MEGF11: variants seen among roughly 807,000 people sequenced by gnomAD.
The protein encoded by MEGF11 is multiple epidermal growth factor-like domains protein 11.
Under a neutral mutation model 146.6 loss-of-function variants are expected in MEGF11, and 126 were observed. The observed-to-expected ratio is 0.86, with a 90% CI of 0.74 to 1.00. The LOEUF (loss-of-function observed/expected upper bound fraction) is 1.00, where lower values mean the gene tolerates loss of function less well. MEGF11 is among the 50% of genes least tolerant of loss of function. MEGF11 has a pLI of 0.00. For missense variants in MEGF11, 1,509 were observed against 1,521.2 expected (o/e 0.99, Z 0.13); for synonymous variants, 532 against 583.4 (o/e 0.91, Z 1.27).
intron 10 of MEGF11, among the ~76,000 whole-genome samples, chr15:65,938,602 G>A (rs1334768806): frequency 1.3e-5 from 2 of 152,176 alleles, no homozygotes; most frequent in Non-Finnish European, 2.9e-5. Flanking sequence ...TGCTGGGGAT[G>A]CCTGCCAGTC....
chr15:66,195,648 G>A (rs367842535), intron 1 of MEGF11, among the ~76,000 whole-genome samples: 3 of 152,320 alleles, frequency 2.0e-5, no homozygotes, highest in South Asian at 2.1e-4. Flanking sequence ...AGGTCCATCC[G>A]GGAAATGAGA....
intron 1 of MEGF11, among the ~76,000 whole-genome samples, chr15:66,250,613 G>A (rs781063771): frequency 5.3e-5 from 8 of 152,222 alleles, no homozygotes; most frequent in Non-Finnish European, 1.0e-4. Context: ...TTATGGTTGG[G>A]AAGAGGCAAA....
At chr15:65,955,650 A>T (rs2080559155) in intron 10 of MEGF11, among the ~76,000 whole-genome samples, 1 of 144,274 alleles carries the variant, frequency 6.9e-6, no homozygotes, top group Non-Finnish European at 1.5e-5. Flanking sequence ...AGGCTGAGGC[A>T]CGAGAATTGC....
chr15:66,153,559 C>T (rs902823215), intron 1 of MEGF11, among the ~76,000 whole-genome samples: 4 of 149,432 alleles, frequency 2.7e-5, no homozygotes, highest in African/African-American at 7.3e-5. Flanking sequence ...GGCAACAGAG[C>T]GAGACTCCAT....
chr15:66,176,399 AG>A (rs1488834337), intron 1 of MEGF11, among the ~76,000 whole-genome samples: 1 of 152,114 alleles, frequency 6.6e-6, no homozygotes, highest in Admixed American at 6.5e-5. Flanking sequence ...CAAGATATGG[AG>A]GGTAGGGAGG....
At chr15:65,966,512 G>A (rs2081103955) in intron 8 of MEGF11, among the ~76,000 whole-genome samples, 1 of 152,084 alleles carries the variant, frequency 6.6e-6, no homozygotes, top group Non-Finnish European at 1.5e-5. Flanking sequence ...TTGTCCTACT[G>A]GGAGACATAT....
chr15:66,207,398 A>G (rs2091327452), intron 1 of MEGF11, among the ~76,000 whole-genome samples: 1 of 152,240 alleles, frequency 6.6e-6, no homozygotes, highest in Admixed American at 6.5e-5. Flanking sequence ...AGTAAGATGT[A>G]TGTCTTCAAA....
intron 9 of MEGF11, among the ~76,000 whole-genome samples, chr15:65,964,209 C>T (rs2080973617): frequency 6.6e-6 from 1 of 152,216 alleles, no homozygotes; most frequent in Non-Finnish European, 1.5e-5. Flanking sequence ...ACAGCTCTGC[C>T]TTCACAGGTT....
chr15:65,922,990 C>G, intron 13 of MEGF11, 21 bp from the exon 14 acceptor site: 2 of 1,609,512 alleles, frequency 1.2e-6, no homozygotes, highest in South Asian at 1.1e-5. Context: ...GAGGCAGACT[C>G]GGGTCAGTGG....
chr15:66,214,252 C>G (rs1039108925), intron 1 of MEGF11, among the ~76,000 whole-genome samples: 1 of 152,128 alleles, frequency 6.6e-6, no homozygotes, highest in African/African-American at 2.4e-5. Context: ...CCAGGCTGGT[C>G]TCAAACTCCT....
At chr15:66,036,030 T>C (rs987270355) in intron 5 of MEGF11, among the ~76,000 whole-genome samples, 1 of 152,234 alleles carries the variant, frequency 6.6e-6, no homozygotes, top group Non-Finnish European at 1.5e-5. Context: ...TCCTTTCTGC[T>C]TTCCTGCCTT....
intron 18 of MEGF11, 110 bp from the exon 19 acceptor site, chr15:65,915,708 C>G: frequency 7.3e-7 from 1 of 1,376,554 alleles, no homozygotes; most frequent in South Asian, 1.4e-5. Context: ...CTGAGTGAAG[C>G]CTATTCCCTT....
At chr15:66,046,524 C>T (rs775240056) in intron 5 of MEGF11, among the ~76,000 whole-genome samples, 18 of 152,202 alleles carry the variant, frequency 1.2e-4, no homozygotes, top group African/African-American at 3.9e-4. Context: ...CAGGCACTGC[C>T]GAGCATCCTG....
chr15:66,236,867 C>T (rs972384815), intron 1 of MEGF11, among the ~76,000 whole-genome samples: 12 of 152,172 alleles, frequency 7.9e-5, no homozygotes, highest in Non-Finnish European at 1.3e-4. Context: ...CCAAGATGGG[C>T]GGCCCGCTGT....
At chr15:65,980,703 A>C in intron 7 of MEGF11, 75 bp downstream of exon 7, 9 of 1,470,096 alleles carry the variant, frequency 6.1e-6, no homozygotes, top group Non-Finnish European at 8.1e-6. Flanking sequence ...CGGCTAGTTT[A>C]GCCTTTTAAG....
chr15:65,962,519 C>T (rs2141537076), intron 9 of MEGF11, among the ~76,000 whole-genome samples: 1 of 152,284 alleles, frequency 6.6e-6, no homozygotes, highest in Non-Finnish European at 1.5e-5. Context: ...TTCATGGTGG[C>T]AAGGTTGAGA....
At chr15:65,923,091 AGAG>A (rs2079234572) in intron 13 of MEGF11, 122 bp from the exon 14 acceptor site, 2 of 1,092,516 alleles carry the variant, frequency 1.8e-6, no homozygotes, top group African/African-American at 3.3e-5. Context: ...CCAGGAATGT[AGAG>A]GAGAAACCCG....
chr15:66,124,056 T>C, intron 2 of MEGF11, 56 bp from the exon 3 acceptor site: 1 of 1,422,610 alleles, frequency 7.0e-7, no homozygotes, highest in East Asian at 2.3e-5. Flanking sequence ...GCTGAGCTGA[T>C]ATTCCGCAGG....
intron 4 of MEGF11, among the ~76,000 whole-genome samples, chr15:66,095,046 A>C (rs2140686267): frequency 6.6e-6 from 1 of 152,310 alleles, no homozygotes; most frequent in Non-Finnish European, 1.5e-5. Flanking sequence ...CAGAGGAAAA[A>C]AGCAACAGCT....
Sources: gnomAD v4.1 joint callset for allele counts (sites outside exome capture counted in the v4.1 genomes callset) on GRCh38, gnomAD v4.1.1 for gene constraint, MANE v1.5 for transcripts, NCBI Gene and HGNC (gene_info 2026-07-23, HGNC 2026-07-21) for gene names.